The following DGKI variants were observed in gnomAD, a reference collection of about 807,000 sequenced individuals.
DGKI encodes DAG kinase iota.
DGKI carries 55 observed loss-of-function variants against 147.5 expected under a neutral mutation model. The observed-to-expected ratio is 0.37, with a 90% CI of 0.30 to 0.47. DGKI has a LOEUF of 0.47. Among genes scored for constraint, DGKI ranks in the 20% least tolerant of loss-of-function variants. The pLI, the probability that DGKI is intolerant of heterozygous loss-of-function variation, is 1.00. For missense variants in DGKI, 1,007 were observed against 1,323.8 expected, an observed-to-expected ratio of 0.76 and a Z score of 3.71; for synonymous variants, 469 against 477.1, an observed-to-expected ratio of 0.98 and a Z score of 0.22.
chr7:137,440,337 A>G (rs1813449494), intron 28 of DGKI, among the ~76,000 whole-genome samples: 2 of 152,230 alleles, frequency 1.3e-5, no homozygotes, highest in South Asian at 4.1e-4. Flanking sequence ...AAAATGTGAC[A>G]TTGGTATTTC....
At chr7:137,691,444 A>C (rs1823599924) in intron 1 of DGKI, among the ~76,000 whole-genome samples, 1 of 152,192 alleles carries the variant, frequency 6.6e-6, no homozygotes, top group Non-Finnish European at 1.5e-5. Context: ...ACACAGAGGA[A>C]CAAAGCTCCA....
At position 137,546,233 on chromosome 7, in the gene DGKI, G is replaced by A. The variant is rs116960080; in HGVS notation, c.2147+6136C>T. ...ACCGGAGCGGGGCCAGGCTGGGATC[G>A]ATGCTGGACGGCAGGTCGGGGGGTG... On this transcript the variant is annotated intron_variant, in intron 20 of 32. Transcript: ENST00000614521. Among the ~76,000 whole-genome samples, 566 of 152,262 alleles carry A rather than the reference G, an allele frequency of 3.7e-3. 3 individuals are homozygous for A. The highest frequency in any genetic ancestry group is 0.017 in the East Asian group (86 of 5,170).
At chr7:137,743,578 G>A (rs1795240560) in intron 1 of DGKI, among the ~76,000 whole-genome samples, 1 of 152,094 alleles carries the variant, frequency 6.6e-6, no homozygotes, top group Admixed American at 6.6e-5. Context: ...AAAATTATTT[G>A]AAACAAATGA....
At chr7:137,610,667 G>C (rs1820334009) in intron 8 of DGKI, among the ~76,000 whole-genome samples, 1 of 152,144 alleles carries the variant, frequency 6.6e-6, no homozygotes, top group Admixed American at 6.5e-5. Flanking sequence ...TGCATTGTTT[G>C]AGTAAAGTTG....
chr7:137,689,712 T>C (rs186111815), intron 2 of DGKI, among the ~76,000 whole-genome samples, 182 bp downstream of exon 2: 51 of 152,322 alleles, frequency 3.3e-4, no homozygotes, highest in Admixed American at 2.7e-3. Flanking sequence ...TCTGACTTCA[T>C]ATAAAGGAGT....
intron 28 of DGKI, among the ~76,000 whole-genome samples, chr7:137,440,489 T>A (rs193154113): frequency 1.3e-5 from 2 of 152,354 alleles, no homozygotes; most frequent in African/African-American, 4.8e-5. Flanking sequence ...ATCTCCATAG[T>A]TCTATCCATT....
At chr7:137,821,241 G>T (rs917077692) in intron 1 of DGKI, among the ~76,000 whole-genome samples, 8 of 152,128 alleles carry the variant, frequency 5.3e-5, no homozygotes, top group African/African-American at 9.7e-5. Context: ...CAATCAAAGG[G>T]ATATTTTGAA....
At chr7:137,394,980 C>T (rs1030604601) in intron 32 of DGKI, among the ~76,000 whole-genome samples, 3 of 152,062 alleles carry the variant, frequency 2.0e-5, no homozygotes, top group African/African-American at 7.2e-5. Context: ...AGCTCCTATA[C>T]CTATAAATGA....
At chr7:137,587,039 G>T in intron 13 of DGKI, 58 bp downstream of exon 13, 2 of 1,252,920 alleles carry the variant, frequency 1.6e-6, no homozygotes, top group Non-Finnish European at 2.2e-6. Flanking sequence ...AACATCAGTG[G>T]ATCTGGAATC....
At position 137,779,999 on chromosome 7, in the gene DGKI, T is replaced by C. The variant is rs973312092; in HGVS notation, c.401+66463A>G. On this transcript the variant is annotated intron_variant, in intron 1 of 32. Transcript: ENST00000614521. ...TTCAGGAGATGATCTGTGAATGATA[T>C]ACTGAATCAATGTGAGAGATGAGAA... is the stretch of plus-strand genomic sequence containing the variant. Among the ~76,000 whole-genome samples the C allele has an allele frequency of 7.9e-5, 12 of 152,330 alleles. 3 individuals are homozygous for C. Among genetic ancestry groups the C allele is most frequent in the Non-Finnish European group, 1.5e-5 (1 of 68,020 alleles).
intron 1 of DGKI, among the ~76,000 whole-genome samples, chr7:137,691,253 G>C (rs1774565643): frequency 6.6e-6 from 1 of 152,112 alleles, no homozygotes; most frequent in South Asian, 2.1e-4. Context: ...GCCCATCAAG[G>C]GGAGCTCTAA....
intron 1 of DGKI, among the ~76,000 whole-genome samples, chr7:137,828,510 C>T (rs963447975): frequency 1.3e-5 from 2 of 152,154 alleles, no homozygotes; most frequent in Admixed American, 6.5e-5. Flanking sequence ...CCTCAGAGAC[C>T]ATTGAGATGC....
At chr7:137,431,767 C>G (rs1813081050) in intron 28 of DGKI, among the ~76,000 whole-genome samples, 1 of 152,228 alleles carries the variant, frequency 6.6e-6, no homozygotes, top group Non-Finnish European at 1.5e-5. Context: ...GGCAGCCAAG[C>G]TCAGCCTGCT....
At chr7:137,677,827 TAC>T (rs1337804131) in intron 3 of DGKI, among the ~76,000 whole-genome samples, 1 of 152,216 alleles carries the variant, frequency 6.6e-6, no homozygotes, top group Non-Finnish European at 1.5e-5. Flanking sequence ...AGCTTCCCAT[TAC>T]TGTCTGTTTG....
chr7:137,691,381 A>G (rs2116460133), intron 1 of DGKI, among the ~76,000 whole-genome samples: 1 of 152,290 alleles, frequency 6.6e-6, no homozygotes, highest in African/African-American at 2.4e-5. Flanking sequence ...GCCTGCAGAT[A>G]CCCTGGATCC....
intron 20 of DGKI, among the ~76,000 whole-genome samples, chr7:137,524,674 T>C (rs992492654): frequency 6.6e-6 from 1 of 152,124 alleles, no homozygotes. Context: ...AAAGGGAAGC[T>C]GGAACCATAG....
chr7:137,740,488 T>A (rs1034320291), intron 1 of DGKI, among the ~76,000 whole-genome samples: 3 of 152,180 alleles, frequency 2.0e-5, no homozygotes, highest in Non-Finnish European at 2.9e-5. Context: ...GGTGTAAAGC[T>A]ATCAAGCTGT....
intron 21 of DGKI, among the ~76,000 whole-genome samples, chr7:137,518,639 G>T (rs1585192449): frequency 6.6e-6 from 1 of 152,020 alleles, no homozygotes; most frequent in Admixed American, 6.6e-5. Flanking sequence ...TTAAACCCTA[G>T]ATCTGTGTAA....
At position 137,476,070 on chromosome 7, in the gene DGKI, C is replaced by T. The variant is rs369352884; in HGVS notation, c.2374-6451G>A. ...TTCAAATAGTCCTGGTGCTGACGTACGGCCAAGAAGTGCCAGCAGATACAA... is the reference window on the plus strand; with the variant it reads ...TTCAAATAGTCCTGGTGCTGACGTATGGCCAAGAAGTGCCAGCAGATACAA... On this transcript the variant is annotated intron_variant, in intron 23 of 32. Coordinates refer to ENST00000614521, the MANE Select transcript of DGKI (RefSeq NM_001321708.2). Among the ~76,000 whole-genome samples the T allele has an allele frequency of 2.2e-4, 34 of 152,276 alleles. 1 individual carries two copies. The highest frequency in any genetic ancestry group is 7.7e-4 in the African/African-American group (32 of 41,568).
Sources: allele counts gnomAD v4.1 joint callset (sites outside exome capture counted in the v4.1 genomes callset), GRCh38; gene constraint gnomAD v4.1.1; transcripts MANE v1.5; gene names NCBI Gene and HGNC (gene_info 2026-07-23, HGNC 2026-07-21).